Variants in GPR161 observed in about 807,000 individuals in gnomAD.
The protein encoded by GPR161 is G protein-coupled receptor 161.
Under a neutral mutation model 39.2 loss-of-function variants are expected in GPR161, and 25 were observed. That is an observed-to-expected ratio of 0.64 (90% confidence interval 0.47 to 0.89). The LOEUF is 0.89. Among genes scored for constraint, GPR161 ranks in the 40% least tolerant of loss-of-function variants. The pLI, the probability that GPR161 is intolerant of heterozygous loss-of-function variation, is 0.00. For missense variants in GPR161, 547 were observed against 677.8 expected, an observed-to-expected ratio of 0.81 and a Z score of 2.14; for synonymous variants, 286 against 276.6, an observed-to-expected ratio of 1.03 and a Z score of -0.34.
At chr1:168,137,528 A>G (rs1699474294), upstream of GPR161, 2 of 783,188 alleles carry the variant, frequency 2.6e-6, no homozygotes, top group Non-Finnish European at 4.3e-6. Flanking sequence ...AGGTCTTCAC[A>G]CTGCTGCCCT....
At chr1:168,119,236 A>ATATG (rs1451334185) in intron 1 of GPR161, among the ~76,000 whole-genome samples, 1 of 127,094 alleles carries the variant, frequency 7.9e-6, no homozygotes, top group African/African-American at 3.2e-5. Flanking sequence ...ACGTATATAT[A>ATATG]TATATACACA....
At chr1:168,087,840 C>T (rs1694692978) in intron 4 of GPR161, 136 bp from the exon 5 acceptor site, 3 of 822,654 alleles carry the variant, frequency 3.6e-6, no homozygotes, top group Non-Finnish European at 5.5e-6. Flanking sequence ...GACTGCGCCG[C>T]AGCACGTGCC....
intron 5 of GPR161, 28 bp downstream of exon 5, chr1:168,087,557 C>T (rs1039528800): frequency 1.2e-6 from 2 of 1,613,254 alleles, no homozygotes; most frequent in African/African-American, 2.7e-5. Flanking sequence ...CCTATGTTTT[C>T]TTGAAGCAAT....
intron 1 of GPR161, among the ~76,000 whole-genome samples, chr1:168,135,459 G>C (rs928818907): frequency 6.6e-6 from 1 of 152,200 alleles, no homozygotes; most frequent in South Asian, 2.1e-4. Context: ...AGAAATGGGT[G>C]CCATGCATTC....
intron 1 of GPR161, among the ~76,000 whole-genome samples, chr1:168,110,659 C>G (rs528383022): frequency 1.3e-5 from 2 of 151,842 alleles, no homozygotes; most frequent in Non-Finnish European, 2.9e-5. Flanking sequence ...CGTGGTGACT[C>G]ACTCCCGTAA....
Position 168,096,748 on chromosome 1 carries a change from T to C in GPR161, c.859A>G (p.Met287Val). ...GAFMVTWGPY[M>V]VVIASEALWG... ...AGGGCCTCAGAGGCGATGACAACCA[T>C]GTAGGGGCCCCAGGTGACCATGAAG... Residue 287 changes from methionine (M) to valine (V), a missense_variant, in exon 3 of 6, where the codon ATG becomes GTG. Transcript: ENST00000682931. 1.9e-6 allele frequency: 3 copies of C among 1,613,818 alleles called. No individual in the cohort carries two copies. The highest frequency in any genetic ancestry group is 1.7e-6 in the Non-Finnish European group (2 of 1,179,964).
chr1:168,134,329 T>C (rs1699206001), intron 1 of GPR161, among the ~76,000 whole-genome samples: 1 of 152,204 alleles, frequency 6.6e-6, no homozygotes, highest in Non-Finnish European at 1.5e-5. Context: ...GCTGAGCACA[T>C]AAAATGTGCA....
chr1:168,129,590 T>C (rs754542517), intron 1 of GPR161, among the ~76,000 whole-genome samples: 28 of 152,196 alleles, frequency 1.8e-4, no homozygotes, highest in Non-Finnish European at 3.4e-4. Flanking sequence ...ACCAGGGTCA[T>C]GGTAACAGAA....
intron 3 of GPR161, among the ~76,000 whole-genome samples, chr1:168,092,076 G>T (rs950200162): frequency 1.1e-4 from 16 of 152,194 alleles, no homozygotes; most frequent in African/African-American, 3.6e-4. Flanking sequence ...GCTTCTCTCA[G>T]AACTTCCCTC....
At chr1:168,088,641 G>A (rs781363700) in intron 4 of GPR161, 8 of 152,206 alleles carry the variant, frequency 5.3e-5, no homozygotes, top group Non-Finnish European at 8.8e-5. Flanking sequence ...TCTACCTCAC[G>A]GAGTTGTGGG....
intron 1 of GPR161, among the ~76,000 whole-genome samples, chr1:168,128,662 T>A (rs1698768046): frequency 6.6e-6 from 1 of 152,220 alleles, no homozygotes; most frequent in Admixed American, 6.5e-5. Flanking sequence ...ATTACTTCTA[T>A]CACAAGATAA....
At position 168,084,913 on chromosome 1, in the gene GPR161, C is replaced by T. The variant is rs1017063696; in HGVS notation, c.*618G>A. ...CAGTCTGCAAGAGGCCTGTGGCTGT[C>T]CCTATTAGCACCAGCAGGTGGCGCC... On this transcript the variant is annotated 3_prime_UTR_variant, in exon 6 of 6. Transcript: ENST00000682931. 2 of 456,272 alleles carry T rather than the reference C, an allele frequency of 4.4e-6. No individual in the cohort carries two copies. Among genetic ancestry groups the T allele is most frequent in the Non-Finnish European group, 8.8e-6 (2 of 226,948 alleles). 28.3% of individuals were successfully genotyped at this position (456,272 alleles called of 1,614,324 possible).
chr1:168,133,394 A>G (rs531919153), intron 1 of GPR161, among the ~76,000 whole-genome samples: 1 of 152,360 alleles, frequency 6.6e-6, no homozygotes, highest in South Asian at 2.1e-4. Context: ...GAAATATTGT[A>G]CATGTACACA....
At chr1:168,125,906 G>A (rs146781392) in intron 1 of GPR161, among the ~76,000 whole-genome samples, 179 of 152,192 alleles carry the variant, frequency 1.2e-3, no homozygotes, top group Admixed American at 4.4e-3. Context: ...GTGAGCCACC[G>A]CACCCGGCCC....
chr1:168,104,520 TG>T lies in GPR161; in HGVS notation c.330del (p.Ser111AlafsTer6). 1.2e-6 allele frequency: 2 copies of T among 1,614,058 alleles called. No homozygotes were observed. Among genetic ancestry groups the T allele is most frequent in the Non-Finnish European group, 1.7e-6 (2 of 1,179,988 alleles). On this transcript the variant is annotated frameshift_variant, in exon 2 of 6. Transcript: ENST00000682931. LOFTEE classifies it high-confidence loss of function. The stretch of plus-strand genomic sequence containing the variant: ...CCGAGGGTTAGCATGCTGGCAGAGC[TG>T]ATCAGCAGGTAGAGGAGGGCAGAGA... Reference protein sequence around the residue: ...CNFSALLYLLISSASMLTLGV... With the variant: ...CNFSALLYLLXSSASMLTLGV...
intron 1 of GPR161, among the ~76,000 whole-genome samples, chr1:168,107,560 G>A (rs1330862173): frequency 6.6e-6 from 1 of 152,188 alleles, no homozygotes; most frequent in Admixed American, 6.5e-5. Flanking sequence ...CCTCACCAGA[G>A]GCAGCCCCTC....
intron 5 of GPR161, 30 bp from the exon 6 acceptor site, chr1:168,085,826 C>T (rs1327320118): frequency 6.3e-7 from 1 of 1,589,674 alleles, no homozygotes; most frequent in Non-Finnish European, 8.6e-7. Flanking sequence ...AAAAAGTCAG[C>T]TGAGGAGCCA....
intron 1 of GPR161, among the ~76,000 whole-genome samples, chr1:168,116,022 C>T (rs1697603499): frequency 6.6e-6 from 1 of 152,154 alleles, no homozygotes; most frequent in Admixed American, 6.5e-5. Flanking sequence ...CGTGATCTGC[C>T]CACCTCGGCC....
intron 2 of GPR161, among the ~76,000 whole-genome samples, chr1:168,100,067 T>C (rs1365655247): frequency 1.3e-5 from 2 of 151,464 alleles, no homozygotes; most frequent in African/African-American, 4.9e-5. Flanking sequence ...TAGGCAGGTA[T>C]AGTGGTGTGT....
Sources: allele counts gnomAD v4.1 joint callset (sites outside exome capture counted in the v4.1 genomes callset), GRCh38; gene constraint gnomAD v4.1.1; transcripts MANE v1.5; gene names NCBI Gene and HGNC (gene_info 2026-07-23, HGNC 2026-07-21).